Variants in DHX9 observed in about 807,000 individuals in gnomAD.
DHX9 encodes the protein ATP-dependent RNA helicase A.
In DHX9, 27 loss-of-function variants were observed where a neutral mutation model predicts 148.7. The observed-to-expected ratio is 0.18, with a 90% CI of 0.13 to 0.25. The LOEUF is 0.25. Ranked by LOEUF, DHX9 falls within the 10% of genes least tolerant of loss-of-function variation. The pLI is 1.00. For missense variants in DHX9, 796 were observed against 1,559.6 expected (o/e 0.51, Z 8.25); for synonymous variants, 529 against 516.6 (o/e 1.02, Z -0.33).
rs373290318 is a variant in DHX9 at position 182,887,210 on chromosome 1, G to A, written c.3589G>A (p.Gly1197Arg). ...GGYSSGGYGS[G>R]GYGGSANSFR... ...CTATAGCAGTGGAGGCTATGGTAGC[G>A]GAGGCTATGGTGGCAGCGCCAACTC... Residue 1197 changes from glycine to arginine, a missense_variant, in exon 28 of 28, where the codon GGA (glycine) becomes AGA (arginine). Coordinates refer to ENST00000367549, the MANE Select transcript of DHX9 (RefSeq NM_001357.5). 2.5e-5 allele frequency: 40 copies of A among 1,611,402 alleles called. No homozygotes were observed. Among genetic ancestry groups the A allele is most frequent in the Admixed American group, 3.3e-5 (2 of 59,892 alleles).
chr1:182,876,253 T>G lies in DHX9; in HGVS notation c.2019T>G (p.Asn673Lys), dbSNP rs1648756776. ...IYTMQKHLEM[N>K]PHFGSHRYQI... The stretch of plus-strand genomic sequence containing the variant: ...CTATGCAGAAGCATTTGGAAATGAA[T>G]CCACATTTTGGTATGAGTCTTTGAA... Residue 673 changes from asparagine to lysine, a missense_variant, in exon 17 of 28, where the codon AAT becomes AAG. This residue lies in a region of DHX9 where 133 missense variants were observed against 223.8 expected (regional missense o/e 0.59). Coordinates refer to ENST00000367549, the MANE Select transcript of DHX9 (RefSeq NM_001357.5). 6.2e-7 allele frequency: 1 copy of G among 1,613,742 alleles called. No homozygotes were observed. Among genetic ancestry groups the G allele is most frequent in the Middle Eastern group, 1.7e-4 (1 of 6,060 alleles).
chr1:182,876,371 A>T, intron 17 of DHX9, 76 bp from the exon 18 acceptor site: 1 of 1,559,172 alleles, frequency 6.4e-7, no homozygotes, highest in Non-Finnish European at 8.8e-7. Flanking sequence ...ACTTTCGAAT[A>T]AAAATATGTA....
intron 15 of DHX9, among the ~76,000 whole-genome samples, chr1:182,873,036 A>G (rs990041443): frequency 1.6e-4 from 25 of 152,212 alleles, no homozygotes; most frequent in African/African-American, 5.5e-4. Flanking sequence ...GCTCACTGCA[A>G]CCTCTGGCTC....
chr1:182,884,482 GTTTT>G (rs543788754), intron 26 of DHX9, 127 bp from the exon 27 acceptor site: 1 of 535,198 alleles, frequency 1.9e-6, no homozygotes, highest in Non-Finnish European at 2.9e-6. Flanking sequence ...ATTATAAGTA[GTTTT>G]TTTTTTTAAT....
chr1:182,860,379 C>T (rs16859750), intron 12 of DHX9, 195 bp downstream of exon 12: 4,808 of 389,460 alleles, frequency 0.012, 184 homozygotes, highest in African/African-American at 0.091. Flanking sequence ...CTAAACTGGA[C>T]TATGTGAGGG....
chr1:182,877,326 A>G (rs986218021), intron 19 of DHX9: 1 of 156,340 alleles, frequency 6.4e-6, no homozygotes, highest in Admixed American at 6.4e-5. Context: ...ATGAGCCTGG[A>G]AAAATATACC....
rs1262750042 is a variant in DHX9 at position 182,876,457 on chromosome 1, G to C, written c.2040G>C (p.Arg680=). The C allele has an allele frequency of 3.7e-6, 6 of 1,613,314 alleles. No homozygotes were observed. Among genetic ancestry groups the C allele is most frequent in the African/African-American group, 1.3e-5 (1 of 74,888 alleles). ...LEMNPHFGSH[R]YQILPLHSQI... ...TTTATTGTTATATAGGAAGCCATCG[G>C]TATCAGATTCTACCCCTGCATTCTC... The change falls in exon 18 of 28, where the codon CGG becomes CGC. Residue 680 remains arginine, a synonymous_variant. Transcript: ENST00000367549.
At chr1:182,842,397 C>T in intron 1 of DHX9, 148 bp from the exon 2 acceptor site, 1 of 512,236 alleles carries the variant, frequency 2.0e-6, no homozygotes, top group Non-Finnish European at 3.5e-6. Flanking sequence ...ATAAACGTTC[C>T]AATTATGTCG....
intron 19 of DHX9, 77 bp from the exon 20 acceptor site, chr1:182,877,944 A>G: frequency 6.6e-7 from 1 of 1,510,138 alleles, no homozygotes; most frequent in Non-Finnish European, 9.1e-7. Flanking sequence ...AGTGGAAAGC[A>G]TTCACTACTT....
At chr1:182,843,473 A>G (rs1667968142) in intron 3 of DHX9, 39 bp downstream of exon 3, 1 of 1,502,910 alleles carries the variant, frequency 6.7e-7, no homozygotes, top group Non-Finnish European at 8.9e-7. Flanking sequence ...TGTATGTTGT[A>G]AAGTTGTACA....
Position 182,858,637 on chromosome 1 carries a change from C to G in DHX9, c.897C>G (p.Pro299=), listed in dbSNP as rs1668297615. ...IIQELNLEIL[P]PPEDPSVPVA... ...AAGAGCTAAATCTTGAGATTTTGCC[C>G]CCGGTAAGCATAAAGCTGTTTAGTT... is the stretch of plus-strand genomic sequence containing the variant. Residue 299 remains proline (P), a synonymous_variant, in exon 9 of 28, where the codon CCC becomes CCG. Coordinates refer to ENST00000367549, the MANE Select transcript of DHX9 (RefSeq NM_001357.5). The G allele has an allele frequency of 6.2e-7, 1 of 1,607,974 alleles. No homozygotes were observed. Among genetic ancestry groups the G allele is most frequent in the Non-Finnish European group, 8.5e-7 (1 of 1,175,468 alleles).
Position 182,858,786 on chromosome 1 carries a change from C to A in DHX9, c.954C>A (p.Phe318Leu). ...VALNIGKLAQFEPSQRQNQVG... is the reference protein window; with the variant it reads ...VALNIGKLAQLEPSQRQNQVG... ...TCAACATTGGCAAATTGGCTCAGTT[C>A]GAACCATCTCAGCGACAAAACCAAG... The change falls in exon 10 of 28, where the codon TTC becomes TTA. Residue 318 changes from phenylalanine to leucine, a missense_variant. By Grantham distance (22) the Phe-to-Leu change is conservative. This residue lies in a region of DHX9 where 63 missense variants were observed against 78.6 expected (regional missense o/e 0.80). Coordinates refer to ENST00000367549, the MANE Select transcript of DHX9 (RefSeq NM_001357.5). The A allele has an allele frequency of 1.2e-6, 2 of 1,614,132 alleles. No individual in the cohort carries two copies. The highest frequency in any genetic ancestry group is 2.2e-5 in the South Asian group (2 of 91,064).
At chr1:182,845,998 G>C (rs1336500206) in intron 3 of DHX9, among the ~76,000 whole-genome samples, 2 of 152,024 alleles carry the variant, frequency 1.3e-5, no homozygotes, top group Admixed American at 1.3e-4. Context: ...TTAAATCGTT[G>C]GCCATTGGTG....
intron 22 of DHX9, 65 bp downstream of exon 22, chr1:182,880,673 G>T (rs1176567749): frequency 3.7e-6 from 4 of 1,094,534 alleles, no homozygotes; most frequent in Non-Finnish European, 5.5e-6. Context: ...TCTCCTCCCT[G>T]TAAAAGCAGT....
intron 14 of DHX9, among the ~76,000 whole-genome samples, chr1:182,870,053 T>G (rs143712006): frequency 2.6e-4 from 39 of 152,358 alleles, no homozygotes; most frequent in East Asian, 2.3e-3. Context: ...GGCAGTTGCA[T>G]TTTTTATACT....
chr1:182,884,344 T>G, intron 26 of DHX9, among the ~76,000 whole-genome samples: 1 of 152,318 alleles, frequency 6.6e-6, no homozygotes, highest in South Asian at 2.1e-4. Flanking sequence ...CATATATTTT[T>G]ATTATATTTT....
At chr1:182,856,633 C>A (rs1014352211) in intron 7 of DHX9, 55 bp downstream of exon 7, 2 of 1,534,506 alleles carry the variant, frequency 1.3e-6, no homozygotes, top group South Asian at 1.1e-5. Context: ...AAGGAATCTT[C>A]ACATTTTAAG....
At chr1:182,850,341 T>C (rs1172758460) in intron 3 of DHX9, among the ~76,000 whole-genome samples, 1 of 152,058 alleles carries the variant, frequency 6.6e-6, no homozygotes, top group Non-Finnish European at 1.5e-5. Flanking sequence ...ACACCTGTAA[T>C]ACCAACACTT....
chr1:182,885,115 A>G (rs1018554267), intron 27 of DHX9, among the ~76,000 whole-genome samples: 11 of 152,248 alleles, frequency 7.2e-5, no homozygotes, highest in South Asian at 2.1e-4. Context: ...GACACAGCCC[A>G]GATAGCCCTT....
Sources: gnomAD v4.1 joint callset for allele counts (sites outside exome capture counted in the v4.1 genomes callset) on GRCh38, gnomAD v4.1.1 for gene constraint, gnomAD v4.1.1 regional missense constraint, MANE v1.5 for transcripts, NCBI Gene and HGNC (gene_info 2026-07-23, HGNC 2026-07-21) for gene names.